The following PTPRT variants were observed in gnomAD, a reference collection of about 807,000 sequenced individuals.
PTPRT encodes protein tyrosine phosphatase receptor type T.
In PTPRT, 56 loss-of-function variants were observed where a neutral mutation model predicts 176.8. That is an observed-to-expected ratio of 0.32 (90% confidence interval 0.26 to 0.40). The LOEUF (loss-of-function observed/expected upper bound fraction) is 0.40. PTPRT is among the 10% of genes least tolerant of loss of function. The pLI, the probability that PTPRT is intolerant of heterozygous loss-of-function variation, is 1.00. For synonymous variants in PTPRT, 783 were observed against 739.0 expected (o/e 1.06, Z -0.96); for missense variants, 1,540 against 1,908.2 (o/e 0.81, Z 3.60).
At chr20:42,255,035 A>T (rs923053643) in intron 13 of PTPRT, among the ~76,000 whole-genome samples, 1 of 152,104 alleles carries the variant, frequency 6.6e-6, no homozygotes, top group Non-Finnish European at 1.5e-5. Context: ...TTACCCACAA[A>T]GGCAGGGGAA....
At position 42,151,480 on chromosome 20, in the gene PTPRT, T is replaced by C. The variant is rs570658374; in HGVS notation, c.2683-9478A>G. On this transcript the variant is annotated intron_variant, in intron 17 of 30. Coordinates refer to ENST00000373187, the MANE Select transcript of PTPRT (RefSeq NM_007050.6). Reference sequence around the variant, plus strand: ...TGTCCCTGCAAAGGACATGAACTCATTCTTTTCTATGGCTGCATAGTATTC... The same window carrying C: ...TGTCCCTGCAAAGGACATGAACTCACTCTTTTCTATGGCTGCATAGTATTC... Among the ~76,000 whole-genome samples the C allele has an allele frequency of 7.4e-4, 113 of 152,334 alleles. 1 individual carries two copies. The highest frequency in any genetic ancestry group is 2.3e-3 in the African/African-American group (97 of 41,580).
In PTPRT at chr20:42,270,553, T is replaced by C. The variant is rs181667272; in HGVS notation, c.2176+11936A>G. On this transcript the variant is annotated intron_variant, in intron 13 of 30. Coordinates refer to ENST00000373187, the MANE Select transcript of PTPRT (RefSeq NM_007050.6). Reference sequence around the variant, plus strand: ...AGCACGGTGAACAAAACTGCAATTCTTGTGGCTCTGAAGAGCTCACACTAA... The same window carrying C: ...AGCACGGTGAACAAAACTGCAATTCCTGTGGCTCTGAAGAGCTCACACTAA... The C allele has an allele frequency of 2.3e-3, 2,371 of 1,030,964 alleles. 63 individuals carry two copies. In the Admixed American group the frequency reaches 0.046, roughly 20 times the overall value. 63.9% of individuals were successfully genotyped at this position (1,030,964 alleles called of 1,614,324 possible). A position where few individuals can be genotyped will look rare whatever the true frequency, so the allele number is the denominator to read the frequency against.
intron 2 of PTPRT, among the ~76,000 whole-genome samples, chr20:42,846,766 T>C (rs1292404464): frequency 6.6e-6 from 1 of 152,042 alleles, no homozygotes; most frequent in African/African-American, 2.4e-5. Context: ...CTCTGGAAAG[T>C]TGAGATAAGG....
intron 1 of PTPRT, among the ~76,000 whole-genome samples, chr20:42,917,086 T>C (rs1978817316): frequency 6.6e-6 from 1 of 152,242 alleles, no homozygotes; most frequent in Admixed American, 6.5e-5. Context: ...AGGGTTTTTA[T>C]GGTTTTAGGT....
At chr20:42,266,649 A>G (rs1470434047) in intron 13 of PTPRT, among the ~76,000 whole-genome samples, 1 of 152,178 alleles carries the variant, frequency 6.6e-6, no homozygotes, top group Non-Finnish European at 1.5e-5. Context: ...AGCCCCTCGC[A>G]CCCAGCTGTG....
chr20:42,437,058 G>T (rs1213107259), intron 9 of PTPRT, among the ~76,000 whole-genome samples: 2 of 152,176 alleles, frequency 1.3e-5, no homozygotes, highest in East Asian at 3.8e-4. Context: ...GAGTGGAGGG[G>T]TCAGGAAGAT....
At chr20:42,818,046 C>T (rs2077820563) in intron 2 of PTPRT, among the ~76,000 whole-genome samples, 2 of 152,154 alleles carry the variant, frequency 1.3e-5, no homozygotes, top group African/African-American at 2.4e-5. Flanking sequence ...GGGTCCTGAT[C>T]CCCGTGCCAC....
At chr20:42,785,804 C>T (rs540777349) in intron 3 of PTPRT, among the ~76,000 whole-genome samples, 1 of 152,270 alleles carries the variant, frequency 6.6e-6, no homozygotes, top group African/African-American at 2.4e-5. Flanking sequence ...TTCCTCCTTC[C>T]CCTTTGTCTC....
chr20:43,139,584 C>A (rs542684971), intron 1 of PTPRT, among the ~76,000 whole-genome samples: 1 of 152,346 alleles, frequency 6.6e-6, no homozygotes, highest in Admixed American at 6.5e-5. Flanking sequence ...TGGCCCGTCC[C>A]TCGACAGCAA....
chr20:43,035,134 G>A (rs1216575803), intron 1 of PTPRT, among the ~76,000 whole-genome samples: 1 of 152,152 alleles, frequency 6.6e-6, no homozygotes, highest in Non-Finnish European at 1.5e-5. Flanking sequence ...TCAGGGAAGT[G>A]AGAACAGGCC....
intron 7 of PTPRT, among the ~76,000 whole-genome samples, chr20:42,518,178 T>A (rs183103585): frequency 1.3e-5 from 2 of 152,128 alleles, no homozygotes; most frequent in Admixed American, 1.3e-4. Context: ...ATATTAATGG[T>A]TATATTTATC....
chr20:42,115,472 C>A (rs543065427), intron 21 of PTPRT, among the ~76,000 whole-genome samples, 157 bp from the exon 22 acceptor site: 1 of 152,288 alleles, frequency 6.6e-6, no homozygotes, highest in Admixed American at 6.5e-5. Flanking sequence ...CACAGCTGGC[C>A]AGGGATCAGC....
intron 1 of PTPRT, among the ~76,000 whole-genome samples, chr20:43,180,341 A>ATCTCTCTCACTCTCTCTCTCTCTC (rs1555844323): frequency 8.7e-6 from 1 of 115,018 alleles, no homozygotes; most frequent in Non-Finnish European, 1.8e-5. Context: ...AAATGAATCA[A>ATCTCTCTCACTCTCTCTCTCTCTC]TCTCTCTCTC....
At chr20:42,581,838 G>A (rs2073378229) in intron 7 of PTPRT, among the ~76,000 whole-genome samples, 2 of 152,220 alleles carry the variant, frequency 1.3e-5, no homozygotes, top group African/African-American at 4.8e-5. Flanking sequence ...GGTGCTGCAA[G>A]ATGCAGTGGA....
chr20:42,313,711 G>A (rs1341806430), intron 12 of PTPRT, among the ~76,000 whole-genome samples: 2 of 152,112 alleles, frequency 1.3e-5, no homozygotes, highest in South Asian at 2.1e-4. Flanking sequence ...GCCGAGAACC[G>A]AGAACAAGAT....
chr20:42,536,840 G>T (rs1037359869), intron 7 of PTPRT, among the ~76,000 whole-genome samples: 2 of 152,100 alleles, frequency 1.3e-5, no homozygotes, highest in Non-Finnish European at 2.9e-5. Flanking sequence ...ATTTAAGTTG[G>T]TAGAGCCACT....
intron 2 of PTPRT, among the ~76,000 whole-genome samples, chr20:42,861,521 T>C (rs1266572886): frequency 6.6e-6 from 1 of 152,160 alleles, no homozygotes; most frequent in Non-Finnish European, 1.5e-5. Flanking sequence ...ATGTGTTGCT[T>C]GTTGTGCTAG....
chr20:42,182,301 C>T (rs1568649983), intron 16 of PTPRT, among the ~76,000 whole-genome samples: 1 of 152,096 alleles, frequency 6.6e-6, no homozygotes, highest in Non-Finnish European at 1.5e-5. Context: ...GAAGAACACG[C>T]TAGGCAAATG....
intron 9 of PTPRT, among the ~76,000 whole-genome samples, chr20:42,381,001 G>A (rs2058693720): frequency 6.6e-6 from 1 of 152,090 alleles, no homozygotes; most frequent in African/African-American, 2.4e-5. Flanking sequence ...CATGGTGGGA[G>A]TGGGAGTAAG....
Sources: allele counts gnomAD v4.1 joint callset (sites outside exome capture counted in the v4.1 genomes callset), GRCh38; gene constraint gnomAD v4.1.1; transcripts MANE v1.5; gene names NCBI Gene and HGNC (gene_info 2026-07-23, HGNC 2026-07-21).